PITPNM3: variants seen among roughly 807,000 people sequenced by gnomAD.
PITPNM3 encodes PITPNM family member 3, also known as membrane-associated phosphatidylinositol transfer protein 3.
PITPNM3 carries 26 observed loss-of-function variants against 102.0 expected under a neutral mutation model. That is an observed-to-expected ratio of 0.25 (90% CI 0.19 to 0.35). The LOEUF is 0.35. PITPNM3 is among the 10% of genes least tolerant of loss of function. PITPNM3 has a pLI of 1.00. For synonymous variants in PITPNM3, 578 were observed against 558.6 expected, an observed-to-expected ratio of 1.03 and a Z score of -0.49; for missense variants, 1,083 against 1,346.1, an observed-to-expected ratio of 0.80 and a Z score of 3.06.
intron 2 of PITPNM3, among the ~76,000 whole-genome samples, chr17:6,530,491 G>A (rs1439632857): frequency 1.3e-5 from 2 of 152,218 alleles, no homozygotes; most frequent in Admixed American, 6.5e-5. Flanking sequence ...TGGGGGAGGG[G>A]AGGACCAGCC....
At chr17:6,508,586 CTGAGGGGTG>C (rs926265164) in intron 3 of PITPNM3, among the ~76,000 whole-genome samples, 9 of 152,076 alleles carry the variant, frequency 5.9e-5, no homozygotes, top group African/African-American at 2.2e-4. Flanking sequence ...CAGTCAGGGG[CTGAGGGGTG>C]AGGAGGACGG....
chr17:6,455,252 T>C lies in PITPNM3; in HGVS notation c.*86A>G. 3 of 1,447,626 alleles carry C rather than the reference T, an allele frequency of 2.1e-6. No homozygotes were observed. Among genetic ancestry groups the C allele is most frequent in the Non-Finnish European group, 2.8e-6 (3 of 1,085,430 alleles). 89.7% of individuals were successfully genotyped at this position (1,447,626 alleles called of 1,614,324 possible). On this transcript the variant is annotated 3_prime_UTR_variant, in exon 20 of 20. Transcript: ENST00000262483. ...GGGAGGGAAAAAGCAGGAAAACGCC[T>C]GTGTCGGGGAGAGGGCAGCCCCCTC...
intron 3 of PITPNM3, among the ~76,000 whole-genome samples, chr17:6,522,639 G>A (rs1019010982): frequency 3.3e-5 from 5 of 152,176 alleles, no homozygotes; most frequent in Non-Finnish European, 7.4e-5. Flanking sequence ...TCCAGCATGA[G>A]GCAGGGGAGG....
chr17:6,468,516 A>C lies in PITPNM3; in HGVS notation c.1774-175T>G, dbSNP rs554675954. 7.9e-5 allele frequency among the ~76,000 whole-genome samples: 12 copies of C among 152,192 alleles called. No individual in the cohort carries two copies. In the East Asian group the frequency reaches 2.3e-3, roughly 29 times the overall value. On this transcript the variant is annotated intron_variant, in intron 13 of 19. Coordinates refer to ENST00000262483, the MANE Select transcript of PITPNM3 (RefSeq NM_031220.4). The surrounding 1 kb of genome is among the most constrained non-coding windows in gnomAD (Gnocchi z 5.2). ...CCCCGGGACCTGCATTCCTGTCCTG[A>C]TAGCTGGGGCCAGAGCAGTCTCCCA... is the stretch of plus-strand genomic sequence containing the variant.
chr17:6,556,276 G>A lies in PITPNM3; in HGVS notation c.22+109C>T. On this transcript the variant is annotated intron_variant, in intron 1 of 19. Coordinates refer to ENST00000262483, the MANE Select transcript of PITPNM3 (RefSeq NM_031220.4). This position sits in a 1 kb window ranked among gnomAD's most constrained non-coding sequence, Gnocchi z 5.2. ...GCTACCGCCCCCTACGCCCTCCCGG[G>A]ACCTCCGCCCACCTGCGCGAGGGGT... is the stretch of plus-strand genomic sequence containing the variant. 1.1e-6 allele frequency: 1 copy of A among 950,612 alleles called. No individual in the cohort carries two copies. Among genetic ancestry groups the A allele is most frequent in the South Asian group, 2.1e-5 (1 of 46,958 alleles). The allele number at this position is 950,612 out of a possible 1,614,324, so 58.9% of individuals were successfully genotyped here.
chr17:6,537,140 G>T lies in PITPNM3; in HGVS notation c.118+847C>A, dbSNP rs1416186461. On this transcript the variant is annotated intron_variant, in intron 2 of 19. Transcript: ENST00000262483. This position sits in a 1 kb window ranked among gnomAD's most constrained non-coding sequence, Gnocchi z 4.4. Reference sequence around the variant, plus strand: ...CTTCCTATGTCTCATGGGTTGGCCGGGAAGAGATGCAGAGGTCATTTCCCC... The same window carrying T: ...CTTCCTATGTCTCATGGGTTGGCCGTGAAGAGATGCAGAGGTCATTTCCCC... Among the ~76,000 whole-genome samples the T allele has an allele frequency of 6.6e-6, 1 of 152,054 alleles. No homozygotes were observed. Among genetic ancestry groups the T allele is most frequent in the Non-Finnish European group, 1.5e-5 (1 of 68,010 alleles).
intron 1 of PITPNM3, among the ~76,000 whole-genome samples, chr17:6,540,590 C>A (rs1190507460): frequency 5.3e-5 from 8 of 152,190 alleles, no homozygotes; most frequent in African/African-American, 1.2e-4. Context: ...AATATATATT[C>A]TTTTCAAATG....
intron 1 of PITPNM3, among the ~76,000 whole-genome samples, chr17:6,553,542 C>T (rs950590842): frequency 2.6e-5 from 4 of 152,206 alleles, no homozygotes; most frequent in Admixed American, 2.6e-4. Context: ...GTATTATTCA[C>T]TAGACCACAC....
rs1393565035 is a variant in PITPNM3, at chr17:6,464,332, G to A, written c.2008-14C>T. 1 of 1,612,654 alleles carries A rather than the reference G, an allele frequency of 6.2e-7. No individual in the cohort carries two copies. The highest frequency in any genetic ancestry group is 1.1e-5 in the South Asian group (1 of 91,072). ...TAGGATGTCCACCTGCGGCAGTGAA[G>A]GGGGTCAGGGACTCCCTGAAGGCTG... On this transcript the variant is annotated splice_polypyrimidine_tract_variant and intron_variant, in intron 15 of 19. Coordinates refer to ENST00000262483, the MANE Select transcript of PITPNM3 (RefSeq NM_031220.4).
At chr17:6,493,766 C>A (rs751434947) in intron 4 of PITPNM3, among the ~76,000 whole-genome samples, 3 of 152,254 alleles carry the variant, frequency 2.0e-5, no homozygotes, top group African/African-American at 4.8e-5. Context: ...AGAGACACTA[C>A]CCCAGACCAG....
At chr17:6,525,924 G>T (rs1254779479) in intron 2 of PITPNM3, among the ~76,000 whole-genome samples, 1 of 152,222 alleles carries the variant, frequency 6.6e-6, no homozygotes, top group Non-Finnish European at 1.5e-5. Context: ...AGGTCTTAGT[G>T]CAGAGGAGGT....
intron 5 of PITPNM3, 102 bp from the exon 6 acceptor site, chr17:6,483,854 C>T (rs893966894): frequency 2.0e-6 from 2 of 986,368 alleles, no homozygotes; most frequent in African/African-American, 3.2e-5. Context: ...CACACTCACA[C>T]ACACGCACAC....
chr17:6,534,516 C>T (rs746619067), intron 2 of PITPNM3, among the ~76,000 whole-genome samples: 4 of 152,172 alleles, frequency 2.6e-5, no homozygotes, highest in Non-Finnish European at 4.4e-5. Context: ...CGGTCCTAAT[C>T]GGTAACACAT....
chr17:6,469,754 T>A lies in PITPNM3; in HGVS notation c.1773+506A>T, dbSNP rs1238228465. Reference sequence around the variant, plus strand: ...TCAAAAAACACAAGCCAGTTGCTATTTCTTCCTTGCTCACAGCCCTGCAAT... The same window carrying A: ...TCAAAAAACACAAGCCAGTTGCTATATCTTCCTTGCTCACAGCCCTGCAAT... On this transcript the variant is annotated intron_variant, in intron 13 of 19. Transcript: ENST00000262483. This position sits in a 1 kb window ranked among gnomAD's most constrained non-coding sequence, Gnocchi z 4.0. 6.6e-6 allele frequency among the ~76,000 whole-genome samples: 1 copy of A among 152,198 alleles called. No homozygotes were observed. The highest frequency in any genetic ancestry group is 6.5e-5 in the Admixed American group (1 of 15,284).
intron 3 of PITPNM3, among the ~76,000 whole-genome samples, chr17:6,522,216 GGTATGT>G (rs1908568499): frequency 1.3e-5 from 2 of 151,922 alleles, no homozygotes; most frequent in South Asian, 4.1e-4. Flanking sequence ...AGAAAAGAGA[GGTATGT>G]GTGACCAAGA....
intron 2 of PITPNM3, among the ~76,000 whole-genome samples, chr17:6,528,562 A>C (rs1908970018): frequency 6.6e-6 from 1 of 151,456 alleles, no homozygotes; most frequent in Non-Finnish European, 1.5e-5. Flanking sequence ...TGCATGTGTG[A>C]GTATGTGCAT....
chr17:6,540,941 G>A (rs1216668607), intron 1 of PITPNM3, among the ~76,000 whole-genome samples: 1 of 152,222 alleles, frequency 6.6e-6, no homozygotes, highest in African/African-American at 2.4e-5. Context: ...TTACAGGCGT[G>A]AGCCACTGCA....
At chr17:6,507,113 C>T (rs1907571655) in intron 3 of PITPNM3, among the ~76,000 whole-genome samples, 1 of 151,982 alleles carries the variant, frequency 6.6e-6, no homozygotes. Flanking sequence ...CAGCGGCTGT[C>T]CATGGGCAGG....
intron 4 of PITPNM3, among the ~76,000 whole-genome samples, chr17:6,491,549 C>T (rs1055690207): frequency 4.6e-5 from 7 of 152,260 alleles, no homozygotes; most frequent in African/African-American, 1.7e-4. Context: ...GGGCCCAGAG[C>T]CCACCTTCCT....
Sources: allele counts gnomAD v4.1 joint callset (sites outside exome capture counted in the v4.1 genomes callset), GRCh38; gene constraint gnomAD v4.1.1; non-coding constraint Gnocchi (gnomAD v3.1); transcripts MANE v1.5; gene names NCBI Gene and HGNC (gene_info 2026-07-23, HGNC 2026-07-21).